Variants in TMEM242 observed in about 807,000 individuals in gnomAD.
TMEM242 encodes the protein transmembrane protein 242.
TMEM242 carries 10 observed loss-of-function variants against 18.2 expected under a neutral mutation model. That is an observed-to-expected ratio of 0.55 (90% CI 0.34 to 0.93). The LOEUF (loss-of-function observed/expected upper bound fraction) is 0.93. TMEM242 is among the 40% of genes least tolerant of loss of function. The probability of loss-of-function intolerance (pLI) is 0.02; values close to 1 mark genes in which losing one functional copy is unlikely to be tolerated. For synonymous variants in TMEM242, 57 were observed against 69.9 expected (o/e 0.81, Z 0.92); for missense variants, 186 against 175.5 (o/e 1.06, Z -0.34).
rs1554250574 is a variant in TMEM242 at position 157,318,956 on chromosome 6, A to G, written c.190-37T>C. 8 of 1,555,240 alleles carry G rather than the reference A, an allele frequency of 5.1e-6. No homozygotes were observed. The East Asian group carries it at 1.8e-4, about 36-fold the overall frequency. ...CAGAAAAGTTGAGGTAAAAACAATC[A>G]GTGCAGAAAGAATAAGCATTCTGGG... On this transcript the variant is annotated intron_variant, in intron 2 of 3. Transcript: ENST00000400788.
chr6:157,322,419 C>T (rs587752649), intron 2 of TMEM242, among the ~76,000 whole-genome samples: 2 of 152,292 alleles, frequency 1.3e-5, no homozygotes, highest in East Asian at 1.9e-4. Flanking sequence ...GCATGAACCA[C>T]GATGCCTGGC....
chr6:157,299,194 A>G, intron 3 of TMEM242: 1 of 659,530 alleles, frequency 1.5e-6, no homozygotes. Context: ...ATGATGGTGG[A>G]AACTGGATGT....
intron 3 of TMEM242, among the ~76,000 whole-genome samples, chr6:157,310,285 C>A (rs1777981506): frequency 6.6e-6 from 1 of 152,096 alleles, no homozygotes; most frequent in Non-Finnish European, 1.5e-5. Context: ...CCACTTAGTA[C>A]AAGAGTTCCT....
At chr6:157,313,095 T>C (rs76236740) in intron 3 of TMEM242, among the ~76,000 whole-genome samples, 2 of 138,872 alleles carry the variant, frequency 1.4e-5, no homozygotes, top group Non-Finnish European at 3.1e-5. Flanking sequence ...CCTGGCCTCA[T>C]CAAAGTGTCC....
intron 3 of TMEM242, among the ~76,000 whole-genome samples, chr6:157,317,669 A>C (rs782647796): frequency 1.3e-5 from 2 of 152,104 alleles, no homozygotes; most frequent in Middle Eastern, 3.4e-3. Context: ...TCTCCATCTC[A>C]CTATCAAACG....
rs587631877 is a variant in TMEM242 at position 157,323,437 on chromosome 6, C to T, written c.63G>A (p.Thr21=). 4 of 1,614,118 alleles carry T rather than the reference C, an allele frequency of 2.5e-6. No homozygotes were observed. In the Admixed American group the frequency reaches 6.7e-5, roughly 27 times the overall value. The change falls in exon 1 of 4, where the codon ACG becomes ACA. Residue 21 remains threonine (T), a synonymous_variant. Coordinates refer to ENST00000400788, the MANE Select transcript of TMEM242 (RefSeq NM_018452.6). ...CTTTAACCAGGAAAAGCCGGTCATT[C>T]GTGGACCCCGGAGCCTCCAGCCCAG... is the stretch of plus-strand genomic sequence containing the variant. The part of the protein sequence containing the change: ...PASGLEAPGS[T]NDRLFLVKGG...
In TMEM242 at chr6:157,292,081, G is replaced by T. The variant is rs587630775; in HGVS notation, c.*820C>A. 6.6e-6 allele frequency: 1 copy of T among 152,112 alleles called. No homozygotes were observed. The highest frequency in any genetic ancestry group is 1.5e-5 in the Non-Finnish European group (1 of 68,018). 9.4% of individuals were successfully genotyped at this position (152,112 alleles called of 1,614,324 possible). On this transcript the variant is annotated 3_prime_UTR_variant, in exon 4 of 4. Transcript: ENST00000400788. ...CCCAAATACTTTATATTGGGACTCC[G>T]TACTCAGGTGACTTTCTGGTTAAAA...
chr6:157,313,076 ATGCACTCACCTGGCCTCATCAAAGTG>A (rs1778240791), intron 3 of TMEM242, among the ~76,000 whole-genome samples: 2 of 19,298 alleles, frequency 1.0e-4, no homozygotes, highest in Admixed American at 4.7e-4. Flanking sequence ...GGGTCCCAGT[ATGCACTCACCTGGCCTCATCAAAGTG>A]TCCCAGTGTG....
intron 3 of TMEM242, among the ~76,000 whole-genome samples, chr6:157,298,874 C>G (rs1470789673): frequency 1.3e-5 from 2 of 152,116 alleles, no homozygotes; most frequent in African/African-American, 2.4e-5. Flanking sequence ...TAAGTATCAC[C>G]CAGCACCTGG....
chr6:157,310,671 T>C (rs797038818), intron 3 of TMEM242, among the ~76,000 whole-genome samples: 126 of 1,072 alleles, frequency 0.12, no homozygotes, highest in African/African-American at 0.15. Context: ...CATCATAGTG[T>C]CCCAGTGTGC....
At chr6:157,314,415 A>G (rs1778346312) in intron 3 of TMEM242, among the ~76,000 whole-genome samples, 1 of 7,632 alleles carries the variant, frequency 1.3e-4, no homozygotes, top group South Asian at 4.0e-3. Flanking sequence ...ACAAACCCAA[A>G]GTAAATGTTC....
At chr6:157,316,262 G>T (rs1003057220) in intron 3 of TMEM242, among the ~76,000 whole-genome samples, 3 of 152,116 alleles carry the variant, frequency 2.0e-5, no homozygotes, top group Non-Finnish European at 4.4e-5. Context: ...TCAGACCTGG[G>T]TTTAAATCTT....
rs1283896698 is a variant in TMEM242 at position 157,289,475 on chromosome 6, T to G, written c.*3426A>C. The stretch of plus-strand genomic sequence containing the variant: ...ATAAAAATATGTATTTTACTAACTT[T>G]CATAGGAAATTTAACTATTTGATGA... On this transcript the variant is annotated 3_prime_UTR_variant, in exon 4 of 4. Transcript: ENST00000400788. The G allele has an allele frequency of 1.3e-5, 2 of 152,264 alleles. No homozygotes were observed. The highest frequency in any genetic ancestry group is 2.9e-5 in the Non-Finnish European group (2 of 68,046). 9.4% of individuals were successfully genotyped at this position (152,264 alleles called of 1,614,324 possible).
intron 3 of TMEM242, among the ~76,000 whole-genome samples, chr6:157,312,013 G>T (rs797024300): frequency 0.08 from 182 of 2,278 alleles, no homozygotes; most frequent in African/African-American, 0.098. Flanking sequence ...CCTAGCCTCA[G>T]CATAGTGCCC....
At chr6:157,303,551 A>G (rs1446574316) in intron 3 of TMEM242, among the ~76,000 whole-genome samples, 2 of 152,278 alleles carry the variant, frequency 1.3e-5, no homozygotes, top group Non-Finnish European at 2.9e-5. Flanking sequence ...GCAGTGGCAG[A>G]GAAACTATTT....
chr6:157,312,449 T>TCAC (rs1235702420), intron 3 of TMEM242, among the ~76,000 whole-genome samples: 2 of 868 alleles, frequency 2.3e-3, no homozygotes, highest in Admixed American at 0.014. Flanking sequence ...TCACCGAGCC[T>TCAC]CATAGTGCCC....
intron 3 of TMEM242, among the ~76,000 whole-genome samples, chr6:157,313,484 TGCAC>T (rs1778277923): frequency 6.6e-6 from 1 of 151,638 alleles, no homozygotes; most frequent in African/African-American, 2.4e-5. Flanking sequence ...TGCCCCAGTG[TGCAC>T]TCACCTAGAC....
In TMEM242 at chr6:157,313,043, TGCACTCA is replaced by T. The variant is rs1778237393; in HGVS notation, c.327+5732_327+5738del. 1.1e-4 allele frequency among the ~76,000 whole-genome samples: 17 copies of T among 152,136 alleles called. 5 individuals are homozygous for T. Among genetic ancestry groups the T allele is most frequent in the South Asian group, 2.1e-4 (1 of 4,830 alleles). ...CTAGCCTCATCATAGTGTCCCAGTG[TGCACTCA>T]CCTGGCCTCATCATAGGGTCCCAGT... is the stretch of plus-strand genomic sequence containing the variant. On this transcript the variant is annotated intron_variant, in intron 3 of 3. Coordinates refer to ENST00000400788, the MANE Select transcript of TMEM242 (RefSeq NM_018452.6).
chr6:157,322,263 T>C (rs1283268553), intron 2 of TMEM242, among the ~76,000 whole-genome samples: 1 of 152,184 alleles, frequency 6.6e-6, no homozygotes, highest in Non-Finnish European at 1.5e-5. Flanking sequence ...CCCGAGTAGC[T>C]AGGACTACAG....
Sources: gnomAD v4.1 joint callset for allele counts (sites outside exome capture counted in the v4.1 genomes callset) on GRCh38, gnomAD v4.1.1 for gene constraint, MANE v1.5 for transcripts, NCBI Gene and HGNC (gene_info 2026-07-23, HGNC 2026-07-21) for gene names.